Variants in ASTN2 observed in about 807,000 individuals in gnomAD.
ASTN2 encodes the protein astrotactin-2.
ASTN2 carries 54 observed loss-of-function variants against 139.8 expected under a neutral mutation model. That is an observed-to-expected ratio of 0.39 (90% CI 0.31 to 0.48). The LOEUF is 0.48. Ranked by LOEUF, ASTN2 falls within the 20% of genes least tolerant of loss-of-function variation. The pLI is 0.95. For synonymous variants in ASTN2, 756 were observed against 719.5 expected, an observed-to-expected ratio of 1.05 and a Z score of -0.81; for missense variants, 1,565 against 1,725.1, an observed-to-expected ratio of 0.91 and a Z score of 1.64.
chr9:116,585,818 G>A, intron 19 of ASTN2: 1 of 151,944 alleles, frequency 6.6e-6, no homozygotes, highest in East Asian at 1.9e-4. Context: ...ATTGACAGTG[G>A]GATCTAATTA....
At chr9:117,068,764 C>A (rs986072099) in intron 5 of ASTN2, among the ~76,000 whole-genome samples, 4 of 130,558 alleles carry the variant, frequency 3.1e-5, no homozygotes, top group Non-Finnish European at 6.8e-5. Context: ...GGAATTTATC[C>A]ATTTCTTCTA....
intron 19 of ASTN2, among the ~76,000 whole-genome samples, chr9:116,497,240 G>T (rs1849697321): frequency 6.6e-6 from 1 of 152,180 alleles, no homozygotes; most frequent in African/African-American, 2.4e-5. Flanking sequence ...AGAGGCATCT[G>T]CTATAAAGAT....
At chr9:116,881,766 G>A (rs1304360403) in intron 10 of ASTN2, among the ~76,000 whole-genome samples, 1 of 152,190 alleles carries the variant, frequency 6.6e-6, no homozygotes, top group African/African-American at 2.4e-5. Context: ...TTCCGTAATG[G>A]AAATCATAGG....
At chr9:116,813,885 A>C (rs1391627523) in intron 12 of ASTN2, among the ~76,000 whole-genome samples, 3 of 151,892 alleles carry the variant, frequency 2.0e-5, no homozygotes, top group Non-Finnish European at 4.4e-5. Flanking sequence ...AAATACAATA[A>C]ATTAGCTGGG....
intron 20 of ASTN2, among the ~76,000 whole-genome samples, chr9:116,476,946 A>G (rs1848998977): frequency 6.6e-6 from 1 of 151,920 alleles, no homozygotes; most frequent in South Asian, 2.1e-4. Context: ...CCTGCAGGAG[A>G]AAGCCCAGCT....
At chr9:116,954,498 CTT>C (rs1037008807) in intron 10 of ASTN2, among the ~76,000 whole-genome samples, 3 of 152,192 alleles carry the variant, frequency 2.0e-5, no homozygotes, top group African/African-American at 7.2e-5. Context: ...GCTTGACAAA[CTT>C]TTTCTGCAAA....
At chr9:117,214,331 A>G (rs1832237597) in intron 3 of ASTN2, 27 bp downstream of exon 3, 1 of 1,537,174 alleles carries the variant, frequency 6.5e-7, no homozygotes, top group East Asian at 2.3e-5. Context: ...GCCCCCTGGA[A>G]AATGGGCTGT....
At chr9:116,497,674 G>A (rs891466527) in intron 19 of ASTN2, among the ~76,000 whole-genome samples, 6 of 152,096 alleles carry the variant, frequency 3.9e-5, no homozygotes, top group South Asian at 2.1e-4. Context: ...TGGCTGCAGC[G>A]GGTATTGCTA....
chr9:117,175,147 C>T (rs1484749043), intron 3 of ASTN2, among the ~76,000 whole-genome samples: 1 of 151,906 alleles, frequency 6.6e-6, no homozygotes, highest in Non-Finnish European at 1.5e-5. Flanking sequence ...TGTTCTTATA[C>T]ACAAGAAAGG....
At chr9:117,137,464 T>C (rs1829979656) in intron 4 of ASTN2, among the ~76,000 whole-genome samples, 1 of 152,200 alleles carries the variant, frequency 6.6e-6, no homozygotes, top group South Asian at 2.1e-4. Flanking sequence ...CAGACCATCC[T>C]ATTTGGGATT....
chr9:117,000,226 C>T (rs916614210), intron 7 of ASTN2, among the ~76,000 whole-genome samples: 5 of 152,190 alleles, frequency 3.3e-5, no homozygotes, highest in African/African-American at 4.8e-5. Context: ...TTATTCTTCT[C>T]ATTTTTAGTT....
intron 2 of ASTN2, among the ~76,000 whole-genome samples, chr9:117,221,252 T>A (rs1832507412): frequency 1.3e-5 from 2 of 151,730 alleles, no homozygotes; most frequent in Admixed American, 1.3e-4. Flanking sequence ...AACAGAAAAA[T>A]ACACAGAGAG....
chr9:116,570,805 A>C (rs1374302726), intron 19 of ASTN2, among the ~76,000 whole-genome samples: 1 of 152,302 alleles, frequency 6.6e-6, no homozygotes, highest in East Asian at 1.9e-4. Flanking sequence ...TGTGATTCCA[A>C]GTAAGTTTTA....
At chr9:116,766,821 A>AAC (rs112993258) in intron 13 of ASTN2, among the ~76,000 whole-genome samples, 26,241 of 151,550 alleles carry the variant, frequency 0.17, 2,595 homozygotes, top group African/African-American at 0.28. Flanking sequence ...CATATGCTTG[A>AAC]ACACACAGTC....
At chr9:116,897,161 G>C (rs926843880) in intron 10 of ASTN2, among the ~76,000 whole-genome samples, 1 of 152,148 alleles carries the variant, frequency 6.6e-6, no homozygotes, top group African/African-American at 2.4e-5. Context: ...TAGGTGCAGC[G>C]CACTGAAGGT....
intron 17 of ASTN2, among the ~76,000 whole-genome samples, chr9:116,627,938 C>T (rs976714982): frequency 1.3e-5 from 2 of 152,100 alleles, no homozygotes; most frequent in Non-Finnish European, 2.9e-5. Flanking sequence ...TTATTATATC[C>T]AATTTGCATT....
intron 10 of ASTN2, among the ~76,000 whole-genome samples, chr9:116,901,047 T>A (rs554302112): frequency 6.6e-6 from 1 of 152,074 alleles, no homozygotes; most frequent in Non-Finnish European, 1.5e-5. Context: ...GTGGTTGCAA[T>A]TTTACCTAAA....
intron 3 of ASTN2, among the ~76,000 whole-genome samples, chr9:117,214,003 G>C (rs1588089183): frequency 1.3e-5 from 2 of 152,262 alleles, no homozygotes; most frequent in East Asian, 1.9e-4. Context: ...GTTGGTATAA[G>C]AAGAAACCCT....
intron 10 of ASTN2, among the ~76,000 whole-genome samples, chr9:116,870,612 G>A (rs906294613): frequency 3.9e-5 from 6 of 152,054 alleles, no homozygotes; most frequent in Admixed American, 3.9e-4. Context: ...GTTAATACTG[G>A]CTCCAAAACA....
Sources: gnomAD v4.1 joint callset for allele counts (sites outside exome capture counted in the v4.1 genomes callset) on GRCh38, gnomAD v4.1.1 for gene constraint, MANE v1.5 for transcripts, NCBI Gene and HGNC (gene_info 2026-07-23, HGNC 2026-07-21) for gene names.